Variants in VPS8 observed in about 807,000 individuals in gnomAD.
The protein encoded by VPS8 is vacuolar protein sorting-associated protein 8 homolog.
A neutral mutation model predicts 216.4 loss-of-function variants in VPS8; 129 were observed. The ratio of observed to expected loss-of-function variants is 0.60; its 90% CI spans 0.52 to 0.69. The LOEUF (loss-of-function observed/expected upper bound fraction) is 0.69, where lower values mean the gene tolerates loss of function less well. Ranked by LOEUF, VPS8 falls within the 30% of genes least tolerant of loss-of-function variation. VPS8 has a pLI of 0.00. For missense variants in VPS8, 1,531 were observed against 1,683.5 expected (o/e 0.91, Z 1.59); for synonymous variants, 571 against 565.4 (o/e 1.01, Z -0.14).
chr3:184,998,822 G>A (rs532803040), intron 44 of VPS8, among the ~76,000 whole-genome samples: 1 of 151,866 alleles, frequency 6.6e-6, no homozygotes, highest in East Asian at 1.9e-4. Flanking sequence ...CCTTGAATTT[G>A]GTGAGCAGAC....
intron 14 of VPS8, among the ~76,000 whole-genome samples, chr3:184,857,192 G>C (rs1725419728): frequency 6.6e-6 from 1 of 152,206 alleles, no homozygotes; most frequent in Admixed American, 6.5e-5. Context: ...AGAGAAACTT[G>C]TGGTGGAAAA....
intron 5 of VPS8, among the ~76,000 whole-genome samples, chr3:184,835,841 C>T (rs143951940): frequency 0.027 from 4,068 of 151,760 alleles, 197 homozygotes; most frequent in African/African-American, 0.094. Context: ...TCCTGAGTAG[C>T]TGGGACTACA....
chr3:184,870,882 T>A, intron 21 of VPS8, 77 bp downstream of exon 21: 1 of 1,287,734 alleles, frequency 7.8e-7, no homozygotes, highest in Non-Finnish European at 1.1e-6. Flanking sequence ...CTTGAGAATG[T>A]GACTTTCATT....
At chr3:184,898,806 T>G (rs1161112964) in intron 24 of VPS8, among the ~76,000 whole-genome samples, 152 bp downstream of exon 24, 1 of 152,174 alleles carries the variant, frequency 6.6e-6, no homozygotes, top group Non-Finnish European at 1.5e-5. Context: ...AGCTTGGGGC[T>G]TTTAGATAGT....
At chr3:184,945,000 A>G (rs754448182) in intron 36 of VPS8, among the ~76,000 whole-genome samples, 3 of 152,098 alleles carry the variant, frequency 2.0e-5, no homozygotes, top group Non-Finnish European at 4.4e-5. Flanking sequence ...ACCTACTTCA[A>G]TGAGTGCCTA....
chr3:184,951,934 G>A (rs1214069138), intron 36 of VPS8, among the ~76,000 whole-genome samples: 2 of 152,118 alleles, frequency 1.3e-5, no homozygotes, highest in African/African-American at 4.8e-5. Context: ...TATTCATCTG[G>A]GTGATTTGCT....
At chr3:184,902,785 G>A (rs968392808) in intron 25 of VPS8, among the ~76,000 whole-genome samples, 15 of 150,774 alleles carry the variant, frequency 9.9e-5, no homozygotes, top group Admixed American at 4.6e-4. Context: ...AGCCGAGATC[G>A]CGCCACTGTA....
intron 45 of VPS8, among the ~76,000 whole-genome samples, chr3:185,012,771 A>G (rs1755204997): frequency 6.6e-6 from 1 of 152,234 alleles, no homozygotes; most frequent in Non-Finnish European, 1.5e-5. Flanking sequence ...AGACCAGCTA[A>G]GTCATGGAGA....
chr3:184,975,135 C>T (rs184374981), intron 40 of VPS8, among the ~76,000 whole-genome samples: 2 of 152,108 alleles, frequency 1.3e-5, no homozygotes, highest in East Asian at 3.9e-4. Flanking sequence ...TGAATCTACA[C>T]ATTGCTTTGG....
intron 47 of VPS8, among the ~76,000 whole-genome samples, chr3:185,050,934 G>A (rs958571890): frequency 5.3e-5 from 8 of 152,112 alleles, no homozygotes; most frequent in African/African-American, 1.9e-4. Context: ...ATTTTGACCT[G>A]GGCTCTGAGT....
In VPS8 at chr3:184,874,054, G is replaced by T. The variant is rs114895333; in HGVS notation, c.1734+3249G>T. ...TATTTAATCATAAAATAATTATATA[G>T]GTTGACTTTTAAAGTGTTTTTTTTT... On this transcript the variant is annotated intron_variant, in intron 21 of 47. Transcript: ENST00000625842. Among the ~76,000 whole-genome samples the T allele has an allele frequency of 7.1e-3, 1,074 of 151,980 alleles. 3 individuals are homozygous for T. Among genetic ancestry groups the T allele is most frequent in the Non-Finnish European group, 0.011 (736 of 67,970 alleles).
chr3:184,987,968 T>C (rs1247515753), intron 42 of VPS8, among the ~76,000 whole-genome samples: 1 of 152,244 alleles, frequency 6.6e-6, no homozygotes, highest in Admixed American at 6.5e-5. Context: ...TTTGTAGTTC[T>C]CTTACAACAT....
intron 45 of VPS8, among the ~76,000 whole-genome samples, chr3:185,014,168 C>T (rs888091085): frequency 6.6e-5 from 10 of 152,160 alleles, no homozygotes; most frequent in African/African-American, 1.4e-4. Flanking sequence ...GGAATACTCA[C>T]GGCAATGGTA....
intron 46 of VPS8, among the ~76,000 whole-genome samples, chr3:185,042,578 A>G (rs1019415580): frequency 2.6e-5 from 4 of 152,124 alleles, no homozygotes; most frequent in Non-Finnish European, 5.9e-5. Flanking sequence ...GACTCAGGAA[A>G]ATACCTCCGT....
chr3:184,850,123 T>G, intron 10 of VPS8, 101 bp downstream of exon 10: 1 of 905,778 alleles, frequency 1.1e-6, no homozygotes, highest in Non-Finnish European at 1.7e-6. Context: ...CCAAAAAATG[T>G]ATTTAACATG....
chr3:184,849,195 G>A lies in VPS8; in HGVS notation c.666G>A (p.Gln222=). 1.2e-6 allele frequency: 2 copies of A among 1,612,068 alleles called. No individual in the cohort carries two copies. The highest frequency in any genetic ancestry group is 1.7e-6 in the Non-Finnish European group (2 of 1,178,880). Residue 222 remains glutamine (Q), a splice_region_variant and synonymous_variant, in exon 9 of 48, where the codon CAG becomes CAA. Coordinates refer to ENST00000625842, the MANE Select transcript of VPS8 (RefSeq NM_001009921.3). ...TTCTTTGTGGCTTTGCTAAAGGACAGGTAAGATATGAACCTCCTTTAATTC... is the reference window on the plus strand; with the variant it reads ...TTCTTTGTGGCTTTGCTAAAGGACAAGTAAGATATGAACCTCCTTTAATTC... ...SRLLCGFAKG[Q]ITMWDLASGK... is the part of the protein sequence containing the mutation.
At chr3:184,896,744 C>G (rs886186151) in intron 23 of VPS8, among the ~76,000 whole-genome samples, 3 of 152,118 alleles carry the variant, frequency 2.0e-5, no homozygotes, top group African/African-American at 7.2e-5. Flanking sequence ...TAAATTTTAG[C>G]AGAAAAGTTT....
At chr3:184,850,051 A>C in intron 10 of VPS8, 29 bp downstream of exon 10, 2 of 1,555,008 alleles carry the variant, frequency 1.3e-6, no homozygotes, top group East Asian at 4.5e-5. Flanking sequence ...TTTCCTAATA[A>C]TTTTTTTATT....
intron 29 of VPS8, among the ~76,000 whole-genome samples, chr3:184,923,274 C>T (rs1294871633): frequency 6.6e-6 from 1 of 152,154 alleles, no homozygotes; most frequent in Non-Finnish European, 1.5e-5. Context: ...CCCTCCTACA[C>T]TTCTGCATTC....
Sources: allele counts gnomAD v4.1 joint callset (sites outside exome capture counted in the v4.1 genomes callset), GRCh38; gene constraint gnomAD v4.1.1; transcripts MANE v1.5; gene names NCBI Gene and HGNC (gene_info 2026-07-23, HGNC 2026-07-21).